Variants in RAPGEF4 observed in about 807,000 individuals in gnomAD.
The protein encoded by RAPGEF4 is RAP guanine-nucleotide-exchange factor (GEF) 4.
RAPGEF4 carries 66 observed loss-of-function variants against 147.9 expected under a neutral mutation model. The ratio of observed to expected loss-of-function variants is 0.45; its 90% CI spans 0.37 to 0.55. RAPGEF4 has a LOEUF of 0.55. Ranked by LOEUF, RAPGEF4 falls within the 20% of genes least tolerant of loss-of-function variation. RAPGEF4 has a pLI of 0.00. For synonymous variants in RAPGEF4, 419 were observed against 442.7 expected (o/e 0.95, Z 0.67); for missense variants, 1,071 against 1,257.3 (o/e 0.85, Z 2.24).
chr2:172,818,123 C>T (rs544775309), intron 4 of RAPGEF4, among the ~76,000 whole-genome samples: 79 of 151,138 alleles, frequency 5.2e-4, no homozygotes, highest in African/African-American at 1.8e-3. Context: ...CTCATACGTG[C>T]GAGCTAAGCT....
At chr2:172,745,165 T>C (rs1419541753) in intron 1 of RAPGEF4, among the ~76,000 whole-genome samples, 1 of 152,154 alleles carries the variant, frequency 6.6e-6, no homozygotes, top group Non-Finnish European at 1.5e-5. Flanking sequence ...AATGAACTTA[T>C]ATAAGATCAA....
chr2:172,906,396 C>T (rs1016118882), intron 4 of RAPGEF4, among the ~76,000 whole-genome samples: 1 of 152,230 alleles, frequency 6.6e-6, no homozygotes, highest in African/African-American at 2.4e-5. Flanking sequence ...TCTGAGCACA[C>T]CCCCACCCCA....
At chr2:173,023,969 C>G (rs751583483) in intron 23 of RAPGEF4, among the ~76,000 whole-genome samples, 2 of 152,196 alleles carry the variant, frequency 1.3e-5, no homozygotes, top group Non-Finnish European at 2.9e-5. Flanking sequence ...TATAAGCTTC[C>G]CCAACTTTTT....
chr2:172,765,367 A>G (rs1696728430), intron 1 of RAPGEF4, among the ~76,000 whole-genome samples: 1 of 152,368 alleles, frequency 6.6e-6, no homozygotes, highest in Non-Finnish European at 1.5e-5. Flanking sequence ...AACCCAGTAC[A>G]GACAATAACA....
chr2:172,987,315 T>C (rs1692366453), intron 12 of RAPGEF4, among the ~76,000 whole-genome samples: 1 of 151,942 alleles, frequency 6.6e-6, no homozygotes, highest in Non-Finnish European at 1.5e-5. Context: ...AAATAAAAAA[T>C]AAAAAATAAA....
At chr2:172,994,934 T>G (rs1693182088) in intron 15 of RAPGEF4, among the ~76,000 whole-genome samples, 1 of 152,158 alleles carries the variant, frequency 6.6e-6, no homozygotes, top group South Asian at 2.1e-4. Context: ...ACTGTTTAGC[T>G]TCCTTTTGGT....
intron 25 of RAPGEF4, among the ~76,000 whole-genome samples, chr2:173,028,999 G>T (rs1696924244): frequency 6.6e-6 from 1 of 152,154 alleles, no homozygotes; most frequent in African/African-American, 2.4e-5. Context: ...CCCTGCATTT[G>T]TTCTTTCAAG....
chr2:172,877,081 A>G (rs1055703930), intron 4 of RAPGEF4, among the ~76,000 whole-genome samples: 8 of 152,128 alleles, frequency 5.3e-5, no homozygotes, highest in Non-Finnish European at 7.4e-5. Context: ...CTTTTGCAGC[A>G]CTATTCACAA....
intron 4 of RAPGEF4, among the ~76,000 whole-genome samples, chr2:172,839,872 C>T (rs895962489): frequency 2.0e-5 from 3 of 152,016 alleles, no homozygotes; most frequent in Non-Finnish European, 2.9e-5. Flanking sequence ...ATTGGGCGTA[C>T]GGAGGTACTA....
Position 173,028,557 on chromosome 2 carries a change from T to A in RAPGEF4, c.2558+1298T>A, listed in dbSNP as rs375462211. ...CTTTCAGAACACCCAGGACTTTTTTTTATATATATATATTTTTGCTTTTCT... is the reference window on the plus strand; with the variant it reads ...CTTTCAGAACACCCAGGACTTTTTTATATATATATATATTTTTGCTTTTCT... On this transcript the variant is annotated intron_variant, in intron 25 of 30. Coordinates refer to ENST00000397081, the MANE Select transcript of RAPGEF4 (RefSeq NM_007023.4). 8.2e-3 allele frequency among the ~76,000 whole-genome samples: 1,250 copies of A among 151,888 alleles called. 8 individuals are homozygous for A. The highest frequency in any genetic ancestry group is 0.012 in the South Asian group (58 of 4,816).
intron 4 of RAPGEF4, among the ~76,000 whole-genome samples, chr2:172,830,865 A>T (rs1287816934): frequency 6.6e-6 from 1 of 152,240 alleles, no homozygotes; most frequent in Non-Finnish European, 1.5e-5. Flanking sequence ...AAAGTACAAC[A>T]GGGTATATAT....
intron 29 of RAPGEF4, among the ~76,000 whole-genome samples, chr2:173,046,059 C>A (rs3769213): frequency 0.24 from 37,120 of 152,178 alleles, 4,902 homozygotes; most frequent in East Asian, 0.6. Context: ...CACACATCAT[C>A]ACTGTGGGTT....
At chr2:172,950,927 A>T (rs1688149818) in intron 6 of RAPGEF4, among the ~76,000 whole-genome samples, 1 of 152,264 alleles carries the variant, frequency 6.6e-6, no homozygotes, top group Non-Finnish European at 1.5e-5. Context: ...ACTGATACTC[A>T]TCCAATTCTT....
chr2:173,015,538 C>G (rs774100409), intron 18 of RAPGEF4, among the ~76,000 whole-genome samples: 1 of 152,192 alleles, frequency 6.6e-6, no homozygotes, highest in African/African-American at 2.4e-5. Context: ...CGAGAGCATC[C>G]CTCCAAGCTG....
chr2:172,865,363 C>T (rs1694518934), intron 4 of RAPGEF4, among the ~76,000 whole-genome samples: 1 of 152,130 alleles, frequency 6.6e-6, no homozygotes. Context: ...CCTGCGTAGT[C>T]CAAATAAAAC....
chr2:172,897,234 T>C (rs1698572436), intron 4 of RAPGEF4, among the ~76,000 whole-genome samples: 1 of 152,152 alleles, frequency 6.6e-6, no homozygotes, highest in Non-Finnish European at 1.5e-5. Flanking sequence ...GCTTTTTCAG[T>C]ATGTGTGCAG....
intron 10 of RAPGEF4, among the ~76,000 whole-genome samples, chr2:172,981,752 A>C (rs1459054292): frequency 1.3e-5 from 2 of 152,192 alleles, no homozygotes; most frequent in African/African-American, 4.8e-5. Flanking sequence ...GACTCCACTA[A>C]ATCTGTCATC....
At chr2:172,854,200 C>T (rs193277037) in intron 4 of RAPGEF4, among the ~76,000 whole-genome samples, 107 of 152,058 alleles carry the variant, frequency 7.0e-4, no homozygotes, top group African/African-American at 2.3e-3. Context: ...ATTAGAATCT[C>T]CAAGTATTTG....
intron 4 of RAPGEF4, among the ~76,000 whole-genome samples, chr2:172,899,272 G>A (rs1698828210): frequency 6.6e-6 from 1 of 152,182 alleles, no homozygotes; most frequent in South Asian, 2.1e-4. Context: ...AAAGCCCAGT[G>A]TAGCTATTTT....
Sources: gnomAD v4.1 joint callset for allele counts (sites outside exome capture counted in the v4.1 genomes callset) on GRCh38, gnomAD v4.1.1 for gene constraint, MANE v1.5 for transcripts, NCBI Gene and HGNC (gene_info 2026-07-23, HGNC 2026-07-21) for gene names.